The following DPYSL3 variants were observed in gnomAD, a reference collection of about 807,000 sequenced individuals.
DPYSL3 encodes the protein dihydropyrimidinase-related protein 3.
Under a neutral mutation model 66.1 loss-of-function variants are expected in DPYSL3, and 16 were observed. The ratio of observed to expected loss-of-function variants is 0.24; its 90% CI spans 0.16 to 0.37. The LOEUF (loss-of-function observed/expected upper bound fraction) is 0.37, where lower values mean the gene tolerates loss of function less well. Among genes scored for constraint, DPYSL3 ranks in the 10% least tolerant of loss-of-function variants. The pLI, the probability that DPYSL3 is intolerant of heterozygous loss-of-function variation, is 1.00. For synonymous variants in DPYSL3, 338 were observed against 345.1 expected (o/e 0.98, Z 0.23); for missense variants, 738 against 916.2 (o/e 0.81, Z 2.51).
In DPYSL3 at chr5:147,394,594, C is replaced by CA. The variant is rs149102642; in HGVS notation, c.1967-472dup. 7.1e-4 allele frequency among the ~76,000 whole-genome samples: 106 copies of CA among 149,252 alleles called. 1 individual carries two copies. Among genetic ancestry groups the CA allele is most frequent in the African/African-American group, 2.5e-3 (103 of 40,866 alleles). ...TGGTCAGGTCTTTGTGACAACAGCA[C>CA]AAAAAGAAATTTCAATGTGTGCTTG... On this transcript the variant is annotated intron_variant, in intron 13 of 13. Coordinates refer to ENST00000343218, the MANE Select transcript of DPYSL3 (RefSeq NM_001197294.2).
chr5:147,483,255 G>C (rs1753275327), intron 1 of DPYSL3, among the ~76,000 whole-genome samples: 1 of 152,180 alleles, frequency 6.6e-6, no homozygotes. Flanking sequence ...TTCAGCGAAT[G>C]CTTTTTAGTT....
intron 1 of DPYSL3, among the ~76,000 whole-genome samples, chr5:147,475,401 A>G (rs1367617654): frequency 6.6e-6 from 1 of 152,124 alleles, no homozygotes; most frequent in Non-Finnish European, 1.5e-5. Context: ...TCAAAATAAA[A>G]CGTTAAAATA....
At chr5:147,408,470 G>C (rs193080039) in intron 7 of DPYSL3, among the ~76,000 whole-genome samples, 1 of 152,138 alleles carries the variant, frequency 6.6e-6, no homozygotes, top group Non-Finnish European at 1.5e-5. Context: ...CCTTAAGAAA[G>C]GGATTAGAAA....
At chr5:147,498,713 G>T in intron 1 of DPYSL3, among the ~76,000 whole-genome samples, 1 of 152,048 alleles carries the variant, frequency 6.6e-6, no homozygotes. Flanking sequence ...TTTTTCATAT[G>T]ATTGTTGGCT....
At chr5:147,453,614 G>GCTCC (rs1752784612) in intron 1 of DPYSL3, 1 of 1,526,634 alleles carries the variant, frequency 6.6e-7, no homozygotes, top group Admixed American at 2.1e-5. Context: ...GCAGCGGCTG[G>GCTCC]CTCCCTCCCT....
intron 1 of DPYSL3, among the ~76,000 whole-genome samples, chr5:147,471,481 G>A (rs1753084675): frequency 6.6e-6 from 1 of 152,090 alleles, no homozygotes; most frequent in African/African-American, 2.4e-5. Context: ...CTCAGTGAGA[G>A]AATAAAATGA....
rs902912481 is a variant in DPYSL3, at chr5:147,480,826, G to A, written c.381+28652C>T. On this transcript the variant is annotated intron_variant, in intron 1 of 13. Transcript: ENST00000343218. ...CAACCTCCACCTCCCGGGTTTAAGCGATTCTTCTGCCTTAGACTCCTGAGT... is the reference window on the plus strand; with the variant it reads ...CAACCTCCACCTCCCGGGTTTAAGCAATTCTTCTGCCTTAGACTCCTGAGT... Among the ~76,000 whole-genome samples, 11 of 151,520 alleles carry A rather than the reference G, an allele frequency of 7.3e-5. No homozygotes were observed. In the South Asian group the frequency reaches 1.7e-3, roughly 23 times the overall value.
In DPYSL3 at chr5:147,394,075, G is replaced by A. The variant is rs766945584; in HGVS notation, c.2015C>T (p.Ala672Val). The A allele has an allele frequency of 6.8e-6, 11 of 1,614,038 alleles. No individual in the cohort carries two copies. The highest frequency in any genetic ancestry group is 4.4e-5 in the South Asian group (4 of 91,092). Residue 672 changes from alanine to valine, a missense_variant, in exon 14 of 14, where the codon GCG becomes GTG. Ala to Val is a moderately conservative substitution (Grantham distance 64). Transcript: ENST00000343218. ...GATATTAGAACGGCCGCCTGGGGGC[G>A]CCACGATGCGCTTGCTGGCTGAGCG... ...GVRSASKRIV[A>V]PPGGRSNITS...
At chr5:147,407,384 G>C (rs1448442921) in intron 7 of DPYSL3, among the ~76,000 whole-genome samples, 1 of 152,134 alleles carries the variant, frequency 6.6e-6, no homozygotes, top group Non-Finnish European at 1.5e-5. Context: ...AGGCTAAGGG[G>C]AGGTTGAAAA....
intron 1 of DPYSL3, among the ~76,000 whole-genome samples, chr5:147,490,226 T>C (rs1167375499): frequency 1.3e-5 from 2 of 152,200 alleles, no homozygotes; most frequent in Admixed American, 6.5e-5. Context: ...AGAAAGCATC[T>C]ATCCCATGTT....
At chr5:147,444,592 T>G (rs1345983179) in intron 1 of DPYSL3, among the ~76,000 whole-genome samples, 1 of 152,192 alleles carries the variant, frequency 6.6e-6, no homozygotes, top group Non-Finnish European at 1.5e-5. Context: ...TTCTCCCATT[T>G]TGTCCTCCCT....
chr5:147,503,950 G>A (rs1753650304), intron 1 of DPYSL3, among the ~76,000 whole-genome samples: 2 of 152,206 alleles, frequency 1.3e-5, no homozygotes, highest in African/African-American at 4.8e-5. Flanking sequence ...TGAATGCAAT[G>A]TGATTCTATG....
intron 1 of DPYSL3, among the ~76,000 whole-genome samples, chr5:147,432,025 C>T (rs73794722): frequency 0.024 from 3,706 of 152,160 alleles, 142 homozygotes; most frequent in African/African-American, 0.084. Flanking sequence ...TTCTTGGCTC[C>T]GAGTCTTCAT....
chr5:147,484,905 G>T (rs1753307427), intron 1 of DPYSL3, among the ~76,000 whole-genome samples: 1 of 152,182 alleles, frequency 6.6e-6, no homozygotes, highest in African/African-American at 2.4e-5. Context: ...CAAAGATTGA[G>T]ATGGTAAAGA....
intron 1 of DPYSL3, among the ~76,000 whole-genome samples, chr5:147,488,719 GA>G (rs1320559035): frequency 4.0e-5 from 6 of 151,642 alleles, no homozygotes; most frequent in African/African-American, 1.5e-4. Context: ...CTTCTCAAAA[GA>G]AAAAAATATA....
chr5:147,496,101 T>C (rs572253542), intron 1 of DPYSL3, among the ~76,000 whole-genome samples: 1 of 152,234 alleles, frequency 6.6e-6, no homozygotes, highest in Non-Finnish European at 1.5e-5. Context: ...GCCACATATC[T>C]ACAACTATCT....
At chr5:147,481,421 G>A (rs1255741052) in intron 1 of DPYSL3, among the ~76,000 whole-genome samples, 1 of 152,160 alleles carries the variant, frequency 6.6e-6, no homozygotes, top group Admixed American at 6.5e-5. Flanking sequence ...CATGGATGCT[G>A]GCAGAAGACA....
chr5:147,437,523 G>C (rs60658825), intron 1 of DPYSL3, among the ~76,000 whole-genome samples: 2 of 152,176 alleles, frequency 1.3e-5, no homozygotes, highest in African/African-American at 4.8e-5. Context: ...AAAACTGTCC[G>C]TGGTGTGCAA....
At chr5:147,435,040 T>G (rs1407197154) in intron 1 of DPYSL3, among the ~76,000 whole-genome samples, 1 of 152,100 alleles carries the variant, frequency 6.6e-6, no homozygotes, top group Non-Finnish European at 1.5e-5. Context: ...CTCTCTGTAC[T>G]TTGTGCACAA....
Sources: allele counts gnomAD v4.1 joint callset (sites outside exome capture counted in the v4.1 genomes callset), GRCh38; gene constraint gnomAD v4.1.1; transcripts MANE v1.5; gene names NCBI Gene and HGNC (gene_info 2026-07-23, HGNC 2026-07-21).